MYO16: variants seen among roughly 807,000 people sequenced by gnomAD.
The protein encoded by MYO16 is myosin XVI, also known as unconventional myosin-XVI.
A neutral mutation model predicts 205.3 loss-of-function variants in MYO16; 94 were observed. That is an observed-to-expected ratio of 0.46 (90% confidence interval 0.39 to 0.54). MYO16 has a LOEUF of 0.54. Ranked by LOEUF, MYO16 falls within the 20% of genes least tolerant of loss-of-function variation. The probability of loss-of-function intolerance (pLI) is 0.00; values close to 1 mark genes in which losing one functional copy is unlikely to be tolerated. For synonymous variants in MYO16, 988 were observed against 954.0 expected (o/e 1.04, Z -0.66); for missense variants, 2,315 against 2,387.5 (o/e 0.97, Z 0.63).
intron 29 of MYO16, among the ~76,000 whole-genome samples, chr13:109,121,909 C>T (rs570624998): frequency 6.6e-6 from 1 of 152,314 alleles, no homozygotes; most frequent in South Asian, 2.1e-4. Context: ...AAGGAGGCAT[C>T]GTCTTTCTAG....
At chr13:108,593,792 G>C (rs1007507472), upstream of MYO16, among the ~76,000 whole-genome samples, 21 of 152,098 alleles carry the variant, frequency 1.4e-4, no homozygotes, top group African/African-American at 4.6e-4. Flanking sequence ...CTTAGAGTCT[G>C]TCGGGCTCCT....
chr13:108,563,377 A>G, the MYO16 span, among the ~76,000 whole-genome samples: 1 of 152,136 alleles, frequency 6.6e-6, no homozygotes, highest in Non-Finnish European at 1.5e-5. Flanking sequence ...TGATGAAATT[A>G]TTATTGACTG....
intron 3 of MYO16, among the ~76,000 whole-genome samples, chr13:108,726,345 T>G (rs4379939): frequency 6.6e-6 from 1 of 151,568 alleles, no homozygotes; most frequent in African/African-American, 2.4e-5. Flanking sequence ...CGGATCACGA[T>G]GTCAAGAGAT....
intron 2 of MYO16, among the ~76,000 whole-genome samples, chr13:108,677,313 ATGTGTGTGTGTG>A (rs769838012): frequency 7.1e-6 from 1 of 140,744 alleles, no homozygotes; most frequent in South Asian, 2.3e-4. Flanking sequence ...GTGCACATGC[ATGTGTGTGTGTG>A]TGTGTGTGTG....
chr13:108,807,107 G>A (rs1411073374), intron 7 of MYO16, among the ~76,000 whole-genome samples: 7 of 152,134 alleles, frequency 4.6e-5, no homozygotes, highest in Non-Finnish European at 8.8e-5. Context: ...TATGCTTGCA[G>A]TCTCATGAAT....
At chr13:109,072,943 G>T (rs143319571) in intron 27 of MYO16, among the ~76,000 whole-genome samples, 1 of 151,860 alleles carries the variant, frequency 6.6e-6, no homozygotes, top group Non-Finnish European at 1.5e-5. Context: ...TGTCTGCTAC[G>T]TACAAGGAAT....
chr13:108,612,470 C>T (rs1594143308), intron 1 of MYO16, among the ~76,000 whole-genome samples: 1 of 152,108 alleles, frequency 6.6e-6, no homozygotes, highest in Admixed American at 6.6e-5. Context: ...GACAGAAATG[C>T]CTTCAGGTTT....
At chr13:108,695,597 G>GT (rs1883062581) in intron 2 of MYO16, among the ~76,000 whole-genome samples, 2 of 151,924 alleles carry the variant, frequency 1.3e-5, no homozygotes, top group Non-Finnish European at 2.9e-5. Context: ...GTGGATCATG[G>GT]CTTTTTTCAT....
At chr13:108,540,737 A>G in the MYO16 span, among the ~76,000 whole-genome samples, 1 of 152,116 alleles carries the variant, frequency 6.6e-6, no homozygotes, top group Non-Finnish European at 1.5e-5. Flanking sequence ...TGAGTGCTGC[A>G]AAGAGCCCAT....
chr13:108,503,774 T>C, the MYO16 span, among the ~76,000 whole-genome samples: 6 of 152,124 alleles, frequency 3.9e-5, no homozygotes, highest in African/African-American at 1.4e-4. Flanking sequence ...CACAAATACT[T>C]TTTAAACCTT....
intron 32 of MYO16, among the ~76,000 whole-genome samples, chr13:109,148,999 G>C (rs1877496787): frequency 6.6e-6 from 1 of 152,058 alleles, no homozygotes; most frequent in African/African-American, 2.4e-5. Context: ...GAAGAAGGAG[G>C]AGAAAATGAC....
At chr13:109,024,375 C>T (rs12866861) in intron 23 of MYO16, among the ~76,000 whole-genome samples, 23,101 of 151,960 alleles carry the variant, frequency 0.15, 2,166 homozygotes, top group Non-Finnish European at 0.2. Context: ...TCTGTTTGTA[C>T]TGTGTATTGG....
intron 23 of MYO16, 64 bp from the exon 24 acceptor site, chr13:109,046,852 A>G (rs767733254): frequency 1.2e-5 from 17 of 1,364,132 alleles, no homozygotes; most frequent in Non-Finnish European, 1.8e-5. Context: ...GTTATCCTTT[A>G]AAGGAATTTA....
chr13:108,755,233 ATGTGAGAGAT>A (rs960889413), intron 4 of MYO16, among the ~76,000 whole-genome samples: 65 of 150,316 alleles, frequency 4.3e-4, no homozygotes, highest in African/African-American at 1.6e-3. Context: ...AGCAGAGAAT[ATGTGAGAGAT>A]TGCTTAGGGA....
At chr13:108,993,043 A>C (rs1208297334) in intron 21 of MYO16, among the ~76,000 whole-genome samples, 1 of 152,182 alleles carries the variant, frequency 6.6e-6, no homozygotes, top group Non-Finnish European at 1.5e-5. Flanking sequence ...GTAGAAATAC[A>C]ACTCTCCTTA....
chr13:108,987,060 C>T (rs1278839013), intron 20 of MYO16, among the ~76,000 whole-genome samples: 1 of 152,156 alleles, frequency 6.6e-6, no homozygotes, highest in African/African-American at 2.4e-5. Flanking sequence ...TGACCTACAT[C>T]CTGGATTTTC....
intron 12 of MYO16, among the ~76,000 whole-genome samples, chr13:108,869,791 C>A: frequency 8.2e-6 from 1 of 122,308 alleles, no homozygotes; most frequent in Admixed American, 8.3e-5. Flanking sequence ...TTACCTTAAA[C>A]TAGCAAGTTT....
At chr13:109,124,993 G>A in intron 29 of MYO16, 119 bp from the exon 30 acceptor site, 1 of 1,098,176 alleles carries the variant, frequency 9.1e-7, no homozygotes, top group Non-Finnish European at 1.3e-6. Flanking sequence ...GTCTTATTCT[G>A]GGTTAAATGT....
chr13:108,495,778 G>T, the MYO16 span, among the ~76,000 whole-genome samples: 1 of 151,178 alleles, frequency 6.6e-6, no homozygotes, highest in Non-Finnish European at 1.5e-5. Context: ...GCCTCCAGCC[G>T]GCCTGGCTGC....
Sources: gnomAD v4.1 joint callset for allele counts (sites outside exome capture counted in the v4.1 genomes callset) on GRCh38, gnomAD v4.1.1 for gene constraint, MANE v1.5 for transcripts, NCBI Gene and HGNC (gene_info 2026-07-23, HGNC 2026-07-21) for gene names.